Variants in CEP350 observed in about 807,000 individuals in gnomAD.
The protein encoded by CEP350 is centrosome-associated protein 350.
CEP350 carries 126 observed loss-of-function variants against 331.8 expected under a neutral mutation model. The observed-to-expected ratio is 0.38, with a 90% CI of 0.33 to 0.44. The LOEUF (loss-of-function observed/expected upper bound fraction) is 0.44, where lower values mean the gene tolerates loss of function less well. Among genes scored for constraint, CEP350 ranks in the 20% least tolerant of loss-of-function variants. CEP350 has a pLI of 1.00. For missense variants in CEP350, 3,406 were observed against 3,634.6 expected (o/e 0.94, Z 1.62); for synonymous variants, 1,200 against 1,259.5 (o/e 0.95, Z 1.00).
chr1:180,001,713 A>G (rs1653880299), intron 6 of CEP350, among the ~76,000 whole-genome samples: 1 of 152,220 alleles, frequency 6.6e-6, no homozygotes, highest in African/African-American at 2.4e-5. Flanking sequence ...CAGCTTGCCC[A>G]TTTGTTCAGT....
chr1:180,033,772 G>A, intron 15 of CEP350, 90 bp from the exon 16 acceptor site: 1 of 1,326,034 alleles, frequency 7.5e-7, no homozygotes, highest in Non-Finnish European at 1.0e-6. Flanking sequence ...AATGTTGATA[G>A]TTTTTTTATA....
intron 1 of CEP350, among the ~76,000 whole-genome samples, chr1:179,977,678 C>T (rs1480478261): frequency 2.0e-5 from 3 of 152,232 alleles, no homozygotes; most frequent in Non-Finnish European, 2.9e-5. Context: ...TAGGACATTA[C>T]TGTACACTAT....
At chr1:179,992,950 G>T (rs1227472532) in intron 5 of CEP350, among the ~76,000 whole-genome samples, 2 of 152,012 alleles carry the variant, frequency 1.3e-5, no homozygotes, top group Non-Finnish European at 1.5e-5. Flanking sequence ...GAAGTTTCAT[G>T]ATGATACTTG....
intron 25 of CEP350, among the ~76,000 whole-genome samples, chr1:180,057,253 C>G (rs965905161): frequency 2.6e-5 from 4 of 151,944 alleles, no homozygotes; most frequent in African/African-American, 9.7e-5. Flanking sequence ...CGTCTGCCAC[C>G]ACACCCAGCT....
At chr1:179,961,962 C>T (rs1650658642) in intron 1 of CEP350, among the ~76,000 whole-genome samples, 2 of 152,024 alleles carry the variant, frequency 1.3e-5, no homozygotes, top group Admixed American at 1.3e-4. Context: ...TCTCCTGCCT[C>T]AGCCTCCCGA....
Position 180,093,646 on chromosome 1 carries a change from G to A in CEP350, c.7541G>A (p.Arg2514Gln), listed in dbSNP as rs1353746917. 2.2e-5 allele frequency: 36 copies of A among 1,613,808 alleles called. No homozygotes were observed. Among genetic ancestry groups the A allele is most frequent in the Non-Finnish European group, 2.9e-5 (34 of 1,179,864 alleles). The change falls in exon 34 of 38, where the codon CGA (arginine) becomes CAA (glutamine). Residue 2514 changes from arginine (R) to glutamine (Q), a missense_variant. Arg to Gln is a conservative substitution (Grantham distance 43). This residue lies in a region of CEP350 where 1,415 missense variants were observed against 1,512.3 expected (regional missense o/e 0.94). Coordinates refer to ENST00000367607, the MANE Select transcript of CEP350 (RefSeq NM_014810.5). ...LIGNVQPGILRFKGETSFAKG... is the reference protein window; with the variant it reads ...LIGNVQPGILQFKGETSFAKG... ...GGAAATGTTCAGCCAGGAATTCTTCGATTCAAAGGTGAGACTAGTTTTGCT... is the reference window on the plus strand; with the variant it reads ...GGAAATGTTCAGCCAGGAATTCTTCAATTCAAAGGTGAGACTAGTTTTGCT...
intron 30 of CEP350, among the ~76,000 whole-genome samples, chr1:180,082,924 A>G (rs1213547460): frequency 6.6e-6 from 1 of 152,210 alleles, no homozygotes; most frequent in Non-Finnish European, 1.5e-5. Context: ...GTATGATGCC[A>G]CCACTAATAT....
At chr1:179,960,320 C>T (rs75911076) in intron 1 of CEP350, among the ~76,000 whole-genome samples, 12,673 of 152,168 alleles carry the variant, frequency 0.083, 701 homozygotes, top group Non-Finnish European at 0.12. Context: ...ATGGGGAGAA[C>T]ATGCAGGCTC....
chr1:179,956,183 T>C (rs1353236504), intron 1 of CEP350, among the ~76,000 whole-genome samples: 1 of 152,210 alleles, frequency 6.6e-6, no homozygotes, highest in Non-Finnish European at 1.5e-5. Flanking sequence ...TTCAAAGCCA[T>C]GGGCGTATAA....
chr1:180,060,764 A>G (rs1176394356), intron 25 of CEP350, among the ~76,000 whole-genome samples: 6 of 152,242 alleles, frequency 3.9e-5, no homozygotes, highest in Admixed American at 1.3e-4. Flanking sequence ...TGAAATATCA[A>G]AAGTGATATC....
chr1:180,073,981 TTC>T (rs200246254), intron 27 of CEP350: 876 of 1,234,016 alleles, frequency 7.1e-4, no homozygotes, highest in East Asian at 7.7e-4. Context: ...TTGTTTGCTT[TTC>T]TCTCTCTCTC....
chr1:179,967,087 T>C (rs927877667), intron 1 of CEP350, among the ~76,000 whole-genome samples: 4 of 152,218 alleles, frequency 2.6e-5, no homozygotes, highest in Non-Finnish European at 5.9e-5. Context: ...AGAGGCTTCT[T>C]AGACTATACT....
intron 6 of CEP350, among the ~76,000 whole-genome samples, chr1:179,998,152 G>C (rs1653597162): frequency 6.6e-6 from 1 of 151,542 alleles, no homozygotes; most frequent in Non-Finnish European, 1.5e-5. Context: ...CTGATTTCTT[G>C]ATTAGTTTAA....
chr1:180,088,468 G>C (rs1057274088), intron 32 of CEP350, among the ~76,000 whole-genome samples: 2 of 149,980 alleles, frequency 1.3e-5, no homozygotes, highest in African/African-American at 4.9e-5. Context: ...GAACATAATA[G>C]GTTATTGCTG....
intron 1 of CEP350, among the ~76,000 whole-genome samples, chr1:179,982,778 A>T (rs935325250): frequency 5.3e-5 from 8 of 152,168 alleles, no homozygotes; most frequent in Non-Finnish European, 1.0e-4. Context: ...AAATATTTTC[A>T]TCAAAAGGAA....
At position 180,033,925 on chromosome 1, in the gene CEP350, G is replaced by A; in HGVS notation, c.3789G>A (p.Gln1263=). 1 of 1,613,888 alleles carries A rather than the reference G, an allele frequency of 6.2e-7. No individual in the cohort carries two copies. The highest frequency in any genetic ancestry group is 1.1e-5 in the South Asian group (1 of 91,080). The change falls in exon 16 of 38, where the codon CAG becomes CAA. Residue 1263 remains glutamine, a synonymous_variant. Transcript: ENST00000367607. The part of the protein sequence containing the change: ...TPTSPLSPSS[Q]KSLQFDVAGT... The stretch of plus-strand genomic sequence containing the variant: ...CTTCTCCCCTGTCACCAAGTTCCCA[G>A]AAATCATTGCAGTTTGACGTTGCAG...
chr1:180,005,875 A>G (rs552452288), intron 7 of CEP350, among the ~76,000 whole-genome samples: 17 of 152,270 alleles, frequency 1.1e-4, no homozygotes, highest in Non-Finnish European at 2.2e-4. Flanking sequence ...AGAACTCTAC[A>G]CATATTTTAA....
At chr1:180,071,139 T>C (rs1207197620) in intron 27 of CEP350, among the ~76,000 whole-genome samples, 3 of 99,682 alleles carry the variant, frequency 3.0e-5, no homozygotes, top group African/African-American at 4.3e-5. Flanking sequence ...AGAGCACGAC[T>C]CCATCTCAAA....
chr1:180,025,754 T>G (rs1477146159), intron 14 of CEP350, among the ~76,000 whole-genome samples: 1 of 151,880 alleles, frequency 6.6e-6, no homozygotes, highest in East Asian at 1.9e-4. Context: ...GTCGGGGGGT[T>G]AGGGGTAAGG....
Sources: gnomAD v4.1 joint callset for allele counts (sites outside exome capture counted in the v4.1 genomes callset) on GRCh38, gnomAD v4.1.1 for gene constraint, gnomAD v4.1.1 regional missense constraint, MANE v1.5 for transcripts, NCBI Gene and HGNC (gene_info 2026-07-23, HGNC 2026-07-21) for gene names.